Variants in GRIA1 observed in about 807,000 individuals in gnomAD.
GRIA1 encodes glutamate receptor 1.
A neutral mutation model predicts 99.2 loss-of-function variants in GRIA1; 31 were observed. That is an observed-to-expected ratio of 0.31 (90% CI 0.23 to 0.42). The LOEUF (loss-of-function observed/expected upper bound fraction) is 0.42, where lower values mean the gene tolerates loss of function less well. Among genes scored for constraint, GRIA1 ranks in the 10% least tolerant of loss-of-function variants. GRIA1 has a pLI of 1.00. For missense variants in GRIA1, 782 were observed against 1,157.5 expected, an observed-to-expected ratio of 0.68 and a Z score of 4.71; for synonymous variants, 438 against 432.4, an observed-to-expected ratio of 1.01 and a Z score of -0.16.
intron 5 of GRIA1, among the ~76,000 whole-genome samples, chr5:153,665,111 G>C (rs150525313): frequency 2.0e-5 from 3 of 152,318 alleles, no homozygotes; most frequent in Non-Finnish European, 4.4e-5. Flanking sequence ...GGACTCTCTG[G>C]AAGACCAACT....
At chr5:153,774,273 G>A (rs1376131539) in intron 13 of GRIA1, among the ~76,000 whole-genome samples, 1 of 152,110 alleles carries the variant, frequency 6.6e-6, no homozygotes, top group Non-Finnish European at 1.5e-5. Context: ...GACAGAGGTG[G>A]ACAGTAAGGA....
chr5:153,740,884 C>A (rs772916635), intron 11 of GRIA1, among the ~76,000 whole-genome samples: 4 of 151,648 alleles, frequency 2.6e-5, no homozygotes, highest in Non-Finnish European at 5.9e-5. Context: ...GAACCTCCAA[C>A]CAGCCTGCCA....
At chr5:153,609,714 C>A (rs1382766066) in intron 2 of GRIA1, among the ~76,000 whole-genome samples, 2 of 151,836 alleles carry the variant, frequency 1.3e-5, no homozygotes, top group African/African-American at 4.8e-5. Context: ...CATGGCCCAC[C>A]ACCACACCCA....
rs1393057935 is a variant in GRIA1 at position 153,730,008 on chromosome 5, A to G, written c.1823+23941A>G. ...TGCCCATTAAATAATCGAACATTTAACAATGTGGGGCTAGCTCTCTTATCC... is the reference window on the plus strand; with the variant it reads ...TGCCCATTAAATAATCGAACATTTAGCAATGTGGGGCTAGCTCTCTTATCC... On this transcript the variant is annotated intron_variant, in intron 11 of 15. Transcript: ENST00000285900. Among the ~76,000 whole-genome samples, 4 of 152,156 alleles carry G rather than the reference A, an allele frequency of 2.6e-5. No homozygotes were observed. In the East Asian group the frequency reaches 7.7e-4, roughly 29 times the overall value.
chr5:153,549,050 T>G (rs1759877056), intron 2 of GRIA1, among the ~76,000 whole-genome samples: 1 of 152,202 alleles, frequency 6.6e-6, no homozygotes, highest in Admixed American at 6.5e-5. Flanking sequence ...ATACAACTTC[T>G]AAAGCTCAGA....
At chr5:153,564,123 A>G (rs967872459) in intron 2 of GRIA1, among the ~76,000 whole-genome samples, 1 of 152,166 alleles carries the variant, frequency 6.6e-6, no homozygotes, top group Non-Finnish European at 1.5e-5. Flanking sequence ...AGCCTTGCCA[A>G]TGCTTCAGAA....
intron 2 of GRIA1, among the ~76,000 whole-genome samples, chr5:153,505,102 A>T (rs1755368396): frequency 6.6e-6 from 1 of 152,194 alleles, no homozygotes; most frequent in Non-Finnish European, 1.5e-5. Flanking sequence ...AGAGATCTCA[A>T]GCTGGCTCCT....
intron 7 of GRIA1, among the ~76,000 whole-genome samples, chr5:153,685,612 T>G (rs985658180): frequency 1.3e-5 from 2 of 152,224 alleles, no homozygotes; most frequent in African/African-American, 4.8e-5. Context: ...TTTTGGAAAC[T>G]GAAGGCTTAG....
At chr5:153,666,510 G>A (rs943100677) in intron 5 of GRIA1, among the ~76,000 whole-genome samples, 84 of 152,272 alleles carry the variant, frequency 5.5e-4, no homozygotes, top group African/African-American at 1.9e-3. Flanking sequence ...TGCAGGACAG[G>A]ACATAAATGA....
chr5:153,676,859 G>A (rs1219023957), intron 6 of GRIA1, 135 bp from the exon 7 acceptor site: 38 of 539,388 alleles, frequency 7.0e-5, no homozygotes, highest in Middle Eastern at 5.2e-4. Context: ...ACCACTGTCT[G>A]CCCCACGTAT....
intron 13 of GRIA1, among the ~76,000 whole-genome samples, chr5:153,789,681 G>A (rs1765178689): frequency 6.6e-6 from 1 of 152,060 alleles, no homozygotes; most frequent in African/African-American, 2.4e-5. Flanking sequence ...CTGATCCTAG[G>A]TAAGTTAGAG....
At chr5:153,515,615 T>A (rs1049157209) in intron 2 of GRIA1, among the ~76,000 whole-genome samples, 3 of 152,208 alleles carry the variant, frequency 2.0e-5, no homozygotes, top group African/African-American at 7.2e-5. Context: ...GGATTTTAAA[T>A]GTTCTCACCA....
At chr5:153,760,870 A>G (rs938026107) in intron 11 of GRIA1, among the ~76,000 whole-genome samples, 1 of 151,966 alleles carries the variant, frequency 6.6e-6, no homozygotes, top group East Asian at 1.9e-4. Context: ...CCCAGAAATT[A>G]ATCTACACAT....
intron 2 of GRIA1, among the ~76,000 whole-genome samples, chr5:153,595,736 T>A (rs952774811): frequency 4.1e-5 from 6 of 148,026 alleles, no homozygotes; most frequent in South Asian, 2.1e-4. Flanking sequence ...ATGAGTTAAA[T>A]AATATAATAT....
chr5:153,806,720 A>T (rs1766454853), intron 15 of GRIA1, among the ~76,000 whole-genome samples: 1 of 152,210 alleles, frequency 6.6e-6, no homozygotes, highest in Admixed American at 6.5e-5. Context: ...GGAGAGAGAG[A>T]GATGAAAGGA....
intron 9 of GRIA1, 62 bp downstream of exon 9, chr5:153,698,216 T>C: frequency 2.2e-6 from 2 of 905,724 alleles, no homozygotes; most frequent in Non-Finnish European, 1.8e-6. Flanking sequence ...ACAAGGGTTT[T>C]CCACCAGGAC....
At chr5:153,519,367 G>A (rs936437687) in intron 2 of GRIA1, among the ~76,000 whole-genome samples, 7 of 151,900 alleles carry the variant, frequency 4.6e-5, no homozygotes, top group Non-Finnish European at 8.8e-5. Flanking sequence ...AACAGGCCCC[G>A]CAGATGATTC....
chr5:153,620,028 A>G (rs1043040395), intron 2 of GRIA1, among the ~76,000 whole-genome samples: 1 of 152,170 alleles, frequency 6.6e-6, no homozygotes, highest in African/African-American at 2.4e-5. Context: ...TAAAACAAGA[A>G]GCTTGTTTTT....
At chr5:153,700,633 G>A (rs560619108) in intron 10 of GRIA1, among the ~76,000 whole-genome samples, 14 of 152,266 alleles carry the variant, frequency 9.2e-5, no homozygotes, top group East Asian at 5.8e-4. Flanking sequence ...ACAACAAAAG[G>A]CAATGGAAGA....
Sources: allele counts gnomAD v4.1 joint callset (sites outside exome capture counted in the v4.1 genomes callset), GRCh38; gene constraint gnomAD v4.1.1; transcripts MANE v1.5; gene names NCBI Gene and HGNC (gene_info 2026-07-23, HGNC 2026-07-21).